Variants in MTUS2 observed in about 807,000 individuals in gnomAD.
MTUS2 encodes microtubule associated scaffold protein 2.
MTUS2 carries 40 observed loss-of-function variants against 114.1 expected under a neutral mutation model. The ratio of observed to expected loss-of-function variants is 0.35; its 90% CI spans 0.27 to 0.46. The LOEUF (loss-of-function observed/expected upper bound fraction) is 0.46. MTUS2 is among the 20% of genes least tolerant of loss of function. The probability of loss-of-function intolerance (pLI) is 1.00; values close to 1 mark genes in which losing one functional copy is unlikely to be tolerated. For missense variants in MTUS2, 1,679 were observed against 1,705.4 expected, an observed-to-expected ratio of 0.98 and a Z score of 0.27; for synonymous variants, 688 against 672.0, an observed-to-expected ratio of 1.02 and a Z score of -0.37.
intron 9 of MTUS2, among the ~76,000 whole-genome samples, chr13:29,448,179 C>T (rs2138721284): frequency 6.6e-6 from 1 of 152,266 alleles, no homozygotes; most frequent in South Asian, 2.1e-4. Context: ...ATTAAACAAA[C>T]TCCACCAGAC....
At chr13:29,275,404 A>G (rs1898026928) in intron 5 of MTUS2, among the ~76,000 whole-genome samples, 1 of 152,096 alleles carries the variant, frequency 6.6e-6, no homozygotes, top group Non-Finnish European at 1.5e-5. Context: ...GTTATTTTTA[A>G]ATGTATAATT....
intron 2 of MTUS2, among the ~76,000 whole-genome samples, chr13:28,925,789 G>C (rs1881293019): frequency 6.6e-6 from 1 of 152,198 alleles, no homozygotes; most frequent in African/African-American, 2.4e-5. Flanking sequence ...TATATGCAGA[G>C]CATTTAGAAC....
intron 4 of MTUS2, among the ~76,000 whole-genome samples, chr13:29,097,403 T>G (rs562983105): frequency 6.6e-6 from 1 of 152,320 alleles, no homozygotes; most frequent in South Asian, 2.1e-4. Flanking sequence ...AGTTGTCTTT[T>G]TTATGTGCCA....
intron 5 of MTUS2, among the ~76,000 whole-genome samples, chr13:29,191,857 A>G (rs573015511): frequency 2.4e-4 from 37 of 152,238 alleles, no homozygotes; most frequent in Non-Finnish European, 4.7e-4. Context: ...ATCAATTTCT[A>G]TGCCTTCTTC....
intron 5 of MTUS2, among the ~76,000 whole-genome samples, chr13:29,277,235 A>G (rs2139524380): frequency 1.3e-5 from 2 of 152,262 alleles, no homozygotes; most frequent in African/African-American, 4.8e-5. Flanking sequence ...CCTTCTTTGT[A>G]TCTCTATCAT....
intron 5 of MTUS2, among the ~76,000 whole-genome samples, chr13:29,121,581 A>G (rs1362385234): frequency 6.6e-6 from 1 of 152,158 alleles, no homozygotes; most frequent in Non-Finnish European, 1.5e-5. Flanking sequence ...ATGCCAGGAA[A>G]GAGCACAGAA....
At chr13:29,082,232 C>T (rs919368282) in intron 4 of MTUS2, among the ~76,000 whole-genome samples, 2 of 152,160 alleles carry the variant, frequency 1.3e-5, no homozygotes, top group African/African-American at 4.8e-5. Context: ...ATGCTGGCAC[C>T]CTGATATTGG....
At chr13:29,150,471 T>C (rs1351085417) in intron 5 of MTUS2, among the ~76,000 whole-genome samples, 1 of 152,160 alleles carries the variant, frequency 6.6e-6, no homozygotes, top group Non-Finnish European at 1.5e-5. Flanking sequence ...TTGCAAATAT[T>C]TTCTCTCATT....
intron 5 of MTUS2, among the ~76,000 whole-genome samples, chr13:29,192,093 G>A (rs1593581541): frequency 6.6e-6 from 1 of 152,138 alleles, no homozygotes; most frequent in Admixed American, 6.5e-5. Context: ...ATGATACATG[G>A]GCAAAACTTA....
At chr13:29,049,296 A>T (rs1053897359) in intron 4 of MTUS2, among the ~76,000 whole-genome samples, 2 of 152,138 alleles carry the variant, frequency 1.3e-5, no homozygotes, top group Non-Finnish European at 2.9e-5. Flanking sequence ...GGCATTGGGG[A>T]CCATGCTGGA....
In MTUS2 at chr13:29,166,289, C is replaced by T. The variant is rs966022965; in HGVS notation, c.2644+65319C>T. On this transcript the variant is annotated intron_variant, in intron 5 of 15. Transcript: ENST00000612955. ...TTTTACTGATCCGTAGACTTGAGGACGAAAAACAGGCCAACATGGAGAACT... is the reference window on the plus strand; with the variant it reads ...TTTTACTGATCCGTAGACTTGAGGATGAAAAACAGGCCAACATGGAGAACT... 5.9e-5 allele frequency among the ~76,000 whole-genome samples: 9 copies of T among 152,168 alleles called. No homozygotes were observed. The South Asian group carries it at 6.2e-4, about 11-fold the overall frequency.
At chr13:29,351,218 G>A (rs149736193) in intron 7 of MTUS2, among the ~76,000 whole-genome samples, 1 of 151,846 alleles carries the variant, frequency 6.6e-6, no homozygotes, top group Non-Finnish European at 1.5e-5. Context: ...TCAGATTACT[G>A]AATATCAAAG....
intron 5 of MTUS2, among the ~76,000 whole-genome samples, chr13:29,216,275 G>A (rs1895678495): frequency 6.6e-6 from 1 of 152,214 alleles, no homozygotes; most frequent in Non-Finnish European, 1.5e-5. Context: ...TGCTGGCAGC[G>A]AGTATTTCAA....
chr13:29,499,881 A>G (rs1450273453), intron 14 of MTUS2, among the ~76,000 whole-genome samples: 3 of 152,186 alleles, frequency 2.0e-5, no homozygotes, highest in African/African-American at 7.2e-5. Flanking sequence ...ATGATGCTGG[A>G]TTGTCGCCAA....
At chr13:29,289,804 G>A (rs2139570373) in intron 6 of MTUS2, among the ~76,000 whole-genome samples, 1 of 152,150 alleles carries the variant, frequency 6.6e-6, no homozygotes, top group South Asian at 2.1e-4. Context: ...AGTTTTAGAG[G>A]GTTAACTGGA....
intron 9 of MTUS2, among the ~76,000 whole-genome samples, chr13:29,465,578 C>G (rs1879831267): frequency 6.6e-6 from 1 of 152,162 alleles, no homozygotes; most frequent in African/African-American, 2.4e-5. Context: ...CCATGTCCAG[C>G]CCTGTTTCCT....
intron 8 of MTUS2, among the ~76,000 whole-genome samples, chr13:29,362,083 T>G (rs1870305319): frequency 6.6e-6 from 1 of 152,204 alleles, no homozygotes; most frequent in Non-Finnish European, 1.5e-5. Context: ...TGAATCTCAG[T>G]TTTCTCCATT....
intron 5 of MTUS2, among the ~76,000 whole-genome samples, chr13:29,237,105 G>A (rs1896563847): frequency 6.6e-6 from 1 of 152,074 alleles, no homozygotes; most frequent in African/African-American, 2.4e-5. Flanking sequence ...CAGCAGATCT[G>A]GCTTACTTCT....
intron 7 of MTUS2, among the ~76,000 whole-genome samples, chr13:29,331,230 C>T (rs994846110): frequency 2.0e-5 from 3 of 152,084 alleles, no homozygotes; most frequent in African/African-American, 2.4e-5. Context: ...TGATTTGGCT[C>T]TCTGTTTGTC....
Sources: gnomAD v4.1 joint callset for allele counts (sites outside exome capture counted in the v4.1 genomes callset) on GRCh38, gnomAD v4.1.1 for gene constraint, MANE v1.5 for transcripts, NCBI Gene and HGNC (gene_info 2026-07-23, HGNC 2026-07-21) for gene names.